The following MEGF8 variants were observed in gnomAD, a reference collection of about 807,000 sequenced individuals.
The protein encoded by MEGF8 is multiple epidermal growth factor-like domains protein 8.
MEGF8 carries 156 observed loss-of-function variants against 302.9 expected under a neutral mutation model. The observed-to-expected ratio is 0.52, with a 90% CI of 0.45 to 0.59. MEGF8 has a LOEUF of 0.59. Among genes scored for constraint, MEGF8 ranks in the 20% least tolerant of loss-of-function variants. The pLI is 0.00. For missense variants in MEGF8, 3,345 were observed against 3,964.5 expected (o/e 0.84, Z 4.20); for synonymous variants, 1,621 against 1,660.5 (o/e 0.98, Z 0.58).
intron 1 of MEGF8, among the ~76,000 whole-genome samples, chr19:42,329,762 C>A (rs892615789): frequency 1.3e-5 from 2 of 151,814 alleles, no homozygotes; most frequent in African/African-American, 4.8e-5. Flanking sequence ...GCTCCAGCTA[C>A]CGGCGAGGCT....
Position 42,354,068 on chromosome 19 carries a change from C to T in MEGF8, c.4011+44C>T, listed in dbSNP as rs766427974. On this transcript the variant is annotated intron_variant, in intron 22 of 41. Coordinates refer to ENST00000251268, the MANE Select transcript of MEGF8 (RefSeq NM_001271938.2). This position sits in a 1 kb window ranked among gnomAD's most constrained non-coding sequence, Gnocchi z 4.3. ...AGGGTTCAGGCGCATGAGCCAGAAC[C>T]GTGTCCCCTGACCCAGCCTGCATCC... 1.0e-5 allele frequency: 16 copies of T among 1,554,830 alleles called. No homozygotes were observed. Among genetic ancestry groups the T allele is most frequent in the East Asian group, 2.4e-5 (1 of 42,022 alleles).
chr19:42,355,926 G>T lies in MEGF8; in HGVS notation c.4313G>T (p.Gly1438Val). The T allele has an allele frequency of 6.2e-7, 1 of 1,605,300 alleles. No homozygotes were observed. Among genetic ancestry groups the T allele is most frequent in the Non-Finnish European group, 8.5e-7 (1 of 1,176,668 alleles). The change falls in exon 24 of 42, where the codon GGC (glycine) becomes GTC (valine). Residue 1438 changes from glycine to valine, a missense_variant. Physicochemically the swap from Gly to Val is moderately radical, Grantham distance 109. Coordinates refer to ENST00000251268, the MANE Select transcript of MEGF8 (RefSeq NM_001271938.2). ...GCGGGGCTCTGCCGATGTCCTCAGG[G>T]CTGGGCTGGCCCACACTGCCGCATG... ...AGAGLCRCPQ[G>V]WAGPHCRMAL...
chr19:42,372,169 T>G (rs1260151565), intron 41 of MEGF8, among the ~76,000 whole-genome samples: 1 of 152,128 alleles, frequency 6.6e-6, no homozygotes, highest in African/African-American at 2.4e-5. Context: ...ACTGGCTATA[T>G]CCGGGTGCTC....
intron 3 of MEGF8, 97 bp downstream of exon 3, chr19:42,334,310 C>T: frequency 4.3e-6 from 5 of 1,153,744 alleles, no homozygotes; most frequent in Non-Finnish European, 6.0e-6. Flanking sequence ...CTGCATGAAA[C>T]TCCCCCCACC....
chr19:42,344,313 C>A lies in MEGF8; in HGVS notation c.1789-128C>A, dbSNP rs918282460. On this transcript the variant is annotated intron_variant, in intron 10 of 41. Coordinates refer to ENST00000251268, the MANE Select transcript of MEGF8 (RefSeq NM_001271938.2). The surrounding 1 kb of genome is among the most constrained non-coding windows in gnomAD (Gnocchi z 4.5). ...CCCCGTCCTCTGGATCTCCCACATT[C>A]CAAGTCAACTCCCCGTTCTTCAGTT... 1.0e-4 allele frequency: 116 copies of A among 1,149,050 alleles called. No homozygotes were observed. The highest frequency in any genetic ancestry group is 1.3e-4 in the Non-Finnish European group (113 of 878,548). 71.2% of individuals were successfully genotyped at this position (1,149,050 alleles called of 1,614,324 possible). A position where few individuals can be genotyped will look rare whatever the true frequency, so the allele number is the denominator to read the frequency against.
At chr19:42,340,509 G>A (rs933196463) in intron 8 of MEGF8, among the ~76,000 whole-genome samples, 7 of 151,622 alleles carry the variant, frequency 4.6e-5, no homozygotes, top group Non-Finnish European at 7.4e-5. Context: ...GATTACAGGC[G>A]TGAGCCACCG....
intron 8 of MEGF8, among the ~76,000 whole-genome samples, chr19:42,339,673 G>C (rs1434893947): frequency 6.6e-6 from 1 of 152,182 alleles, no homozygotes; most frequent in East Asian, 1.9e-4. Context: ...TGTTTACTCT[G>C]TTGATAGTAT....
At position 42,336,980 on chromosome 19, in the gene MEGF8, C is replaced by T. The variant is rs1911320303; in HGVS notation, c.1390+28C>T. On this transcript the variant is annotated intron_variant, in intron 7 of 41. Transcript: ENST00000251268. The surrounding 1 kb of genome is among the most constrained non-coding windows in gnomAD (Gnocchi z 4.8). ...GAGGAGGCTCCCCAATCCTGCCTGCCTGCCTGCTGAGGGCCTGAGCCAACC... is the reference window on the plus strand; with the variant it reads ...GAGGAGGCTCCCCAATCCTGCCTGCTTGCCTGCTGAGGGCCTGAGCCAACC... The T allele has an allele frequency of 1.9e-6, 3 of 1,613,638 alleles. No homozygotes were observed. Among genetic ancestry groups the T allele is most frequent in the African/African-American group, 2.7e-5 (2 of 74,932 alleles).
At position 42,354,127 on chromosome 19, in the gene MEGF8, T is replaced by A; in HGVS notation, c.4011+103T>A. The A allele has an allele frequency of 1.4e-6, 2 of 1,394,864 alleles. 1 individual carries two copies. Among genetic ancestry groups the A allele is most frequent in the South Asian group, 3.0e-5 (2 of 66,476 alleles). The allele number at this position is 1,394,864 out of a possible 1,614,324, so 86.4% of individuals were successfully genotyped here. Reference sequence around the variant, plus strand: ...TGACCCTAGTATTGCTGTTTTTTTTTTTTTGTTTTTTTAATCCTTCAAAAC... The same window carrying A: ...TGACCCTAGTATTGCTGTTTTTTTTATTTTGTTTTTTTAATCCTTCAAAAC... On this transcript the variant is annotated intron_variant, in intron 22 of 41. Transcript: ENST00000251268. The surrounding 1 kb of genome is among the most constrained non-coding windows in gnomAD (Gnocchi z 4.3).
rs753269923 is a variant in MEGF8 at position 42,336,196 on chromosome 19, G to A, written c.1094G>A (p.Arg365His). The A allele has an allele frequency of 6.2e-6, 10 of 1,610,444 alleles. No homozygotes were observed. The highest frequency in any genetic ancestry group is 1.3e-5 in the African/African-American group (1 of 74,930). The change falls in exon 6 of 42, where the codon CGT becomes CAT. Residue 365 changes from arginine to histidine, a missense_variant. By Grantham distance (29) the Arg-to-His change is conservative. Transcript: ENST00000251268. The surrounding 1 kb of genome is among the most constrained non-coding windows in gnomAD (Gnocchi z 4.8). ...PHDLFSSGLF[R>H]FRLDSTSGGY... ...GACCTCTTCTCCTCTGGCCTCTTCCGTTTCCGCCTTGACAGCACCAGCGGG... is the reference window on the plus strand; with the variant it reads ...GACCTCTTCTCCTCTGGCCTCTTCCATTTCCGCCTTGACAGCACCAGCGGG...
Position 42,376,031 on chromosome 19 carries a change from C to T in MEGF8, c.7794C>T (p.Ile2598=), listed in dbSNP as rs1407027721. The change falls in exon 42 of 42, where the codon ATC becomes ATT. Residue 2598 remains isoleucine, a synonymous_variant. Transcript: ENST00000251268. This position sits in a 1 kb window ranked among gnomAD's most constrained non-coding sequence, Gnocchi z 8.2. Reference sequence around the variant, plus strand: ...GCGGCGTGCGGGACCGGCTGGTCATCACCTACCCACACGAGCACCATGCCC... The same window carrying T: ...GCGGCGTGCGGGACCGGCTGGTCATTACCTACCCACACGAGCACCATGCCC... ...VVRGVRDRLV[I]TYPHEHHALK... The T allele has an allele frequency of 6.9e-6, 11 of 1,603,782 alleles. No homozygotes were observed. The highest frequency in any genetic ancestry group is 9.3e-6 in the Non-Finnish European group (11 of 1,177,622).
Position 42,353,790 on chromosome 19 carries a change from C to T in MEGF8, c.3777C>T (p.Cys1259=). The change falls in exon 22 of 42, where the codon TGC becomes TGT. Residue 1259 remains cysteine, a synonymous_variant. Transcript: ENST00000251268. This position sits in a 1 kb window ranked among gnomAD's most constrained non-coding sequence, Gnocchi z 6.1. ...ATCTCCCCAGGGCCGGTGGTTCCTG[C>T]TTTCGGGAGTGTGGGGGTCGCGCCC... ...YYGDPRAGGS[C]FRECGGRALL... is the part of the protein sequence containing the mutation. 6.2e-7 allele frequency: 1 copy of T among 1,602,424 alleles called. No individual in the cohort carries two copies. The highest frequency in any genetic ancestry group is 8.5e-7 in the Non-Finnish European group (1 of 1,172,072).
Position 42,362,703 on chromosome 19 carries a change from G to A in MEGF8, c.6058+106G>A, listed in dbSNP as rs910568170. On this transcript the variant is annotated intron_variant, in intron 34 of 41. Coordinates refer to ENST00000251268, the MANE Select transcript of MEGF8 (RefSeq NM_001271938.2). ...GGTCTCCTGGGTCTGAGGGAGGAGGGGCTGGGGGCCTGGACTCCTGGGTCT... is the reference window on the plus strand; with the variant it reads ...GGTCTCCTGGGTCTGAGGGAGGAGGAGCTGGGGGCCTGGACTCCTGGGTCT... 15 of 1,338,544 alleles carry A rather than the reference G, an allele frequency of 1.1e-5. No homozygotes were observed. The South Asian group carries it at 1.9e-4, about 17-fold the overall frequency. The allele number at this position is 1,338,544 out of a possible 1,614,324, so 82.9% of individuals were successfully genotyped here.
In MEGF8 at chr19:42,376,407, G is replaced by A. The variant is rs530619835; in HGVS notation, c.8170G>A (p.Ala2724Thr). The change falls in exon 42 of 42, where the codon GCC becomes ACC. Residue 2724 changes from alanine to threonine, a missense_variant. Transcript: ENST00000251268. The surrounding 1 kb of genome is among the most constrained non-coding windows in gnomAD (Gnocchi z 8.2). ...AWKPAGLPPP[A>T]FRRSEPFLAP... is the part of the protein sequence containing the mutation. ...GAAGCCGGCTGGGCTCCCACCTCCC[G>A]CCTTCCGCCGCTCTGAGCCCTTCCT... 2.7e-5 allele frequency: 44 copies of A among 1,612,594 alleles called. No homozygotes were observed. The highest frequency in any genetic ancestry group is 4.0e-5 in the African/African-American group (3 of 75,038).
chr19:42,353,229 T>C lies in MEGF8; in HGVS notation c.3550+102T>C, dbSNP rs2039402102. On this transcript the variant is annotated intron_variant, in intron 20 of 41. Transcript: ENST00000251268. The surrounding 1 kb of genome is among the most constrained non-coding windows in gnomAD (Gnocchi z 6.1). ...TGGAGGGGGCCTCAGTGTCCTCTCA[T>C]GCAGCTCTAGGTCCCCTGCCCCATT... The C allele has an allele frequency of 8.5e-7, 1 of 1,177,840 alleles. No individual in the cohort carries two copies. The highest frequency in any genetic ancestry group is 1.2e-6 in the Non-Finnish European group (1 of 852,878). 73.0% of individuals were successfully genotyped at this position (1,177,840 alleles called of 1,614,324 possible).
intron 41 of MEGF8, among the ~76,000 whole-genome samples, chr19:42,372,304 A>G (rs1232831040): frequency 1.3e-5 from 2 of 152,144 alleles, no homozygotes; most frequent in African/African-American, 4.8e-5. Context: ...CAGAGATCTC[A>G]TATCATTTAA....
At chr19:42,360,294 C>CT (rs1010377146) in intron 31 of MEGF8, among the ~76,000 whole-genome samples, 78 of 148,214 alleles carry the variant, frequency 5.3e-4, no homozygotes, top group Non-Finnish European at 7.4e-4. Context: ...CTCTCCCTCT[C>CT]TTTTTTTTTG....
chr19:42,372,064 AACAAC>A (rs751831464), intron 41 of MEGF8, among the ~76,000 whole-genome samples: 4 of 149,382 alleles, frequency 2.7e-5, no homozygotes, highest in Admixed American at 6.7e-5. Context: ...CAACAACAAC[AACAAC>A]AACAAACACA....
At position 42,369,734 on chromosome 19, in the gene MEGF8, C is replaced by T. The variant is rs369152755; in HGVS notation, c.6834+11C>T. On this transcript the variant is annotated intron_variant, in intron 38 of 41. Coordinates refer to ENST00000251268, the MANE Select transcript of MEGF8 (RefSeq NM_001271938.2). The surrounding 1 kb of genome is among the most constrained non-coding windows in gnomAD (Gnocchi z 5.7). ...CGCAACCACACCAAGGTGGGCCGCC[C>T]GGAGCCTCAGACCCCCGACCCTGGG... 33 of 1,592,032 alleles carry T rather than the reference C, an allele frequency of 2.1e-5. No homozygotes were observed. The highest frequency in any genetic ancestry group is 3.6e-4 in the Middle Eastern group (2 of 5,542).
Sources: gnomAD v4.1 joint callset for allele counts (sites outside exome capture counted in the v4.1 genomes callset) on GRCh38, gnomAD v4.1.1 for gene constraint, Gnocchi (gnomAD v3.1) non-coding constraint, MANE v1.5 for transcripts, NCBI Gene and HGNC (gene_info 2026-07-23, HGNC 2026-07-21) for gene names.